PCMT1: variants seen among roughly 807,000 people sequenced by gnomAD.
PCMT1 encodes the protein protein-L-isoaspartate (D-aspartate) O-methyltransferase.
In PCMT1, 9 loss-of-function variants were observed where a neutral mutation model predicts 29.2. The ratio of observed to expected loss-of-function variants is 0.31; its 90% confidence interval spans 0.19 to 0.54. The LOEUF is 0.54. PCMT1 is among the 20% of genes least tolerant of loss of function. The pLI, the probability that PCMT1 is intolerant of heterozygous loss-of-function variation, is 0.95. For synonymous variants in PCMT1, 98 were observed against 97.5 expected, an observed-to-expected ratio of 1.00 and a Z score of -0.03; for missense variants, 184 against 282.2, an observed-to-expected ratio of 0.65 and a Z score of 2.49.
At chr6:149,796,614 C>T in intron 6 of PCMT1, 114 bp downstream of exon 6, 2 of 678,464 alleles carry the variant, frequency 2.9e-6, no homozygotes, top group Non-Finnish European at 4.9e-6. Context: ...TTATATCATA[C>T]ATTTTGGTTA....
intron 1 of PCMT1, chr6:149,765,709 G>A (rs1387731379): frequency 8.6e-6 from 3 of 349,532 alleles, no homozygotes; most frequent in East Asian, 1.1e-4. Flanking sequence ...GCTCATACCT[G>A]TAATACCAGC....
At chr6:149,758,123 A>G (rs1304319393) in intron 1 of PCMT1, among the ~76,000 whole-genome samples, 1 of 149,688 alleles carries the variant, frequency 6.7e-6, no homozygotes, top group Non-Finnish European at 1.5e-5. Context: ...ACCTCAAGTG[A>G]TCCACCCGAC....
intron 1 of PCMT1, among the ~76,000 whole-genome samples, chr6:149,762,835 A>AATC (rs1786859857): frequency 2.2e-5 from 1 of 44,822 alleles, no homozygotes; most frequent in Non-Finnish European, 3.1e-5. Flanking sequence ...TATATATGAT[A>AATC]TATATATCTA....
At chr6:149,788,330 T>G (rs527418457) in intron 3 of PCMT1, among the ~76,000 whole-genome samples, 12 of 152,334 alleles carry the variant, frequency 7.9e-5, no homozygotes, top group Admixed American at 5.9e-4. Flanking sequence ...CTTATTCAGA[T>G]TTCATCAATT....
At chr6:149,775,507 A>G (rs1443522689) in intron 3 of PCMT1, among the ~76,000 whole-genome samples, 1 of 152,022 alleles carries the variant, frequency 6.6e-6, no homozygotes, top group Admixed American at 6.6e-5. Context: ...GGAGTTTGAG[A>G]CCAGCCTGGG....
intron 7 of PCMT1, among the ~76,000 whole-genome samples, chr6:149,805,560 C>T (rs1160166042): frequency 6.6e-6 from 1 of 151,634 alleles, no homozygotes; most frequent in Non-Finnish European, 1.5e-5. Context: ...CGCCATTGCA[C>T]TCCAGCCTGG....
intron 3 of PCMT1, among the ~76,000 whole-genome samples, chr6:149,785,732 A>G (rs1249809185): frequency 4.0e-5 from 6 of 151,578 alleles, no homozygotes; most frequent in Non-Finnish European, 7.4e-5. Context: ...GGGTAAGGTC[A>G]CAGATCAACA....
At chr6:149,792,933 C>T (rs921776113) in intron 4 of PCMT1, among the ~76,000 whole-genome samples, 1 of 151,988 alleles carries the variant, frequency 6.6e-6, no homozygotes, top group Non-Finnish European at 1.5e-5. Flanking sequence ...GAGGCCAAGG[C>T]GGGCAGATCA....
intron 1 of PCMT1, among the ~76,000 whole-genome samples, chr6:149,765,451 A>G (rs978194746): frequency 1.3e-5 from 2 of 151,968 alleles, no homozygotes; most frequent in South Asian, 2.1e-4. Context: ...TCGGGTAGAA[A>G]TAATATTTTC....
chr6:149,800,175 A>G (rs1046102159), intron 6 of PCMT1, among the ~76,000 whole-genome samples: 1 of 152,156 alleles, frequency 6.6e-6, no homozygotes, highest in Non-Finnish European at 1.5e-5. Context: ...TATCCAAAGT[A>G]AGGTTTCTGG....
At chr6:149,771,026 A>ATT (rs1787299821) in intron 1 of PCMT1, 136 bp from the exon 2 acceptor site, 1 of 498,322 alleles carries the variant, frequency 2.0e-6, no homozygotes, top group African/African-American at 2.0e-5. Flanking sequence ...CCAGGTTGCC[A>ATT]TTACCTGGGC....
chr6:149,808,887 T>C (rs1485641700), intron 7 of PCMT1, among the ~76,000 whole-genome samples: 8 of 151,454 alleles, frequency 5.3e-5, no homozygotes, highest in South Asian at 2.1e-4. Flanking sequence ...CCGCCCGCCT[T>C]GGCCTCCCAA....
At chr6:149,767,092 C>T (rs1787116290) in intron 1 of PCMT1, among the ~76,000 whole-genome samples, 1 of 152,016 alleles carries the variant, frequency 6.6e-6, no homozygotes, top group African/African-American at 2.4e-5. Flanking sequence ...GCTTATAATC[C>T]CAGCTACTTG....
chr6:149,773,340 C>T (rs1787416042), intron 3 of PCMT1, among the ~76,000 whole-genome samples, 171 bp downstream of exon 3: 1 of 151,798 alleles, frequency 6.6e-6, no homozygotes, highest in Non-Finnish European at 1.5e-5. Context: ...AATACAGGGT[C>T]TGTAGAAGGA....
intron 3 of PCMT1, 94 bp downstream of exon 3, chr6:149,773,263 A>AT: frequency 1.0e-6 from 1 of 994,488 alleles, no homozygotes; most frequent in South Asian, 1.4e-5. Context: ...AGTTGTATCA[A>AT]TTTATCATCT....
chr6:149,758,192 T>TTCTTTC (rs1554251069), intron 1 of PCMT1, among the ~76,000 whole-genome samples: 4 of 101,732 alleles, frequency 3.9e-5, no homozygotes, highest in African/African-American at 1.7e-4. Flanking sequence ...CCAATTTTTT[T>TTCTTTC]TTTCTTTCTT....
At chr6:149,786,050 C>T (rs1297219333) in intron 3 of PCMT1, among the ~76,000 whole-genome samples, 3 of 146,658 alleles carry the variant, frequency 2.0e-5, no homozygotes, top group East Asian at 4.2e-4. Context: ...ACCCCCCCAC[C>T]TCCCTCCCGG....
chr6:149,790,074 C>T lies in PCMT1; in HGVS notation c.297+16C>T. 2 of 1,411,816 alleles carry T rather than the reference C, an allele frequency of 1.4e-6. No homozygotes were observed. The highest frequency in any genetic ancestry group is 2.0e-6 in the Non-Finnish European group (2 of 1,006,728). The allele number at this position is 1,411,816 out of a possible 1,614,324, so 87.5% of individuals were successfully genotyped here. A position where few individuals can be genotyped will look rare whatever the true frequency, so the allele number is the denominator to read the frequency against. On this transcript the variant is annotated intron_variant, in intron 4 of 7. Transcript: ENST00000464889. ...TGCACGTATGGTAAGAGTTTTATTT[C>T]TCACTCTGGCCCCAACAGAAGAATA...
At chr6:149,751,328 A>ATT (rs886207863) in intron 1 of PCMT1, among the ~76,000 whole-genome samples, 18 of 151,738 alleles carry the variant, frequency 1.2e-4, no homozygotes, top group African/African-American at 4.3e-4. Context: ...CAAAAAAAAA[A>ATT]TTTTTTTTTG....
Sources: allele counts gnomAD v4.1 joint callset (sites outside exome capture counted in the v4.1 genomes callset), GRCh38; gene constraint gnomAD v4.1.1; transcripts MANE v1.5; gene names NCBI Gene and HGNC (gene_info 2026-07-23, HGNC 2026-07-21).